Variants in RPS21 observed in about 807,000 individuals in gnomAD.
RPS21 encodes the protein ribosomal protein S21.
RPS21 carries 6 observed loss-of-function variants against 14.5 expected under a neutral mutation model. That is an observed-to-expected ratio of 0.41 (90% CI 0.23 to 0.82). The LOEUF (loss-of-function observed/expected upper bound fraction) is 0.82. Ranked by LOEUF, RPS21 falls within the 40% of genes least tolerant of loss-of-function variation. The probability of loss-of-function intolerance (pLI) is 0.31; values close to 1 mark genes in which losing one functional copy is unlikely to be tolerated. For missense variants in RPS21, 85 were observed against 115.0 expected (o/e 0.74, Z 1.19); for synonymous variants, 61 against 42.6 (o/e 1.43, Z -1.69).
intron 2 of RPS21, 97 bp from the exon 3 acceptor site, chr20:62,387,514 G>A (rs1381672631): frequency 6.3e-7 from 1 of 1,586,488 alleles, no homozygotes; most frequent in Admixed American, 1.7e-5. Context: ...TGCCCCCGAC[G>A]TTACTCTTTT....
intron 1 of RPS21, 85 bp from the exon 2 acceptor site, chr20:62,387,236 G>A: frequency 1.0e-6 from 1 of 991,432 alleles, no homozygotes; most frequent in Non-Finnish European, 1.5e-6. Context: ...GGTGCGGCTG[G>A]GGCCGTGACC....
rs576687825 is a variant in RPS21 at position 62,387,840 on chromosome 20, T to C, written c.115-3T>C. 3 of 1,614,152 alleles carry C rather than the reference T, an allele frequency of 1.9e-6. No individual in the cohort carries two copies. Among genetic ancestry groups the C allele is most frequent in the South Asian group, 2.2e-5 (2 of 91,090 alleles). ...TGGTTTGTGACCCTTCTTCTCTTTCTAGGTTGACAAGGTCACAGGCAGGTT... is the reference window on the plus strand; with the variant it reads ...TGGTTTGTGACCCTTCTTCTCTTTCCAGGTTGACAAGGTCACAGGCAGGTT... On this transcript the variant is annotated splice_region_variant and splice_polypyrimidine_tract_variant and intron_variant, in intron 3 of 5. Transcript: ENST00000343986.
rs953345687 is a variant in RPS21, at chr20:62,388,448, T to C, written c.243-9T>C. ...TGGTCTTAACGTTGTCCTTTTCCCC[T>C]GGTTCTAGGAACTTTTGACTGGAGA... On this transcript the variant is annotated splice_polypyrimidine_tract_variant and intron_variant, in intron 5 of 5. Transcript: ENST00000343986. 1 of 1,613,978 alleles carries C rather than the reference T, an allele frequency of 6.2e-7. No individual in the cohort carries two copies. Among genetic ancestry groups the C allele is most frequent in the Non-Finnish European group, 8.5e-7 (1 of 1,179,866 alleles).
intron 1 of RPS21, 36 bp from the exon 2 acceptor site, chr20:62,387,285 C>T (rs1248914304): frequency 6.6e-6 from 10 of 1,522,770 alleles, no homozygotes; most frequent in Non-Finnish European, 3.6e-6. Flanking sequence ...GGCACGGTTC[C>T]GGCCGTACTC....
rs1471255407 is a variant in RPS21, at chr20:62,388,493, T to C, written c.*27T>C. On this transcript the variant is annotated 3_prime_UTR_variant, in exon 6 of 6. Coordinates refer to ENST00000343986, the MANE Select transcript of RPS21 (RefSeq NM_001024.4). ...TGGAGAGAATCACAGATGTGGAATA[T>C]TTGTCATAAATAAATAATGAAAACC... 1.2e-6 allele frequency: 2 copies of C among 1,611,290 alleles called. No homozygotes were observed. The highest frequency in any genetic ancestry group is 1.7e-5 in the Admixed American group (1 of 59,986).
chr20:62,387,546 C>T (rs1368808919), intron 2 of RPS21, 65 bp from the exon 3 acceptor site: 26 of 1,589,732 alleles, frequency 1.6e-5, no homozygotes, highest in South Asian at 1.1e-4. Context: ...CCCCCAACCT[C>T]CCTCGTCCCC....
intron 1 of RPS21, 83 bp downstream of exon 1, chr20:62,387,219 G>T: frequency 1.3e-6 from 1 of 785,574 alleles, no homozygotes; most frequent in Non-Finnish European, 2.0e-6. Flanking sequence ...CGGGGTGCGG[G>T]GTGCTGGGTG....
chr20:62,388,398 G>A, intron 5 of RPS21, 34 bp downstream of exon 5: 5 of 1,610,344 alleles, frequency 3.1e-6, no homozygotes, highest in Non-Finnish European at 4.2e-6. Flanking sequence ...GGCAGAGTGA[G>A]TGGACTAGGA....
chr20:62,387,320 G>C lies in RPS21; in HGVS notation c.-18-1G>C, dbSNP rs1307939260. The C allele has an allele frequency of 1.9e-6, 3 of 1,588,876 alleles. No homozygotes were observed. The East Asian group carries it at 6.9e-5, about 37-fold the overall frequency. ...CACGGCGCCGCGCGGTGACTCCCCAGGCGCAGCCCAGCCTCGAAATGCAGA... is the reference window on the plus strand; with the variant it reads ...CACGGCGCCGCGCGGTGACTCCCCACGCGCAGCCCAGCCTCGAAATGCAGA... On this transcript the variant is annotated splice_acceptor_variant, in intron 1 of 5. Coordinates refer to ENST00000343986, the MANE Select transcript of RPS21 (RefSeq NM_001024.4). LOFTEE classifies it low-confidence loss of function (5UTR_SPLICE).
chr20:62,387,554 C>T (rs1987779666), intron 2 of RPS21, 57 bp from the exon 3 acceptor site: 5 of 1,592,464 alleles, frequency 3.1e-6, no homozygotes, highest in Admixed American at 1.7e-5. Flanking sequence ...CTCCCTCGTC[C>T]CCTCTTTCAT....
chr20:62,388,392 G>A, intron 5 of RPS21, 28 bp downstream of exon 5: 1 of 1,610,262 alleles, frequency 6.2e-7, no homozygotes, highest in Non-Finnish European at 8.5e-7. Context: ...CATTTGGGCA[G>A]AGTGAGTGGA....
chr20:62,387,581 C>T (rs569860083), intron 2 of RPS21, 30 bp from the exon 3 acceptor site: 16 of 1,602,628 alleles, frequency 1.0e-5, no homozygotes, highest in Non-Finnish European at 6.0e-6. Context: ...CGCCCAAGTC[C>T]CCTCTGCTCA....
rs994380601 is a variant in RPS21, at chr20:62,387,826, C to T, written c.115-17C>T. On this transcript the variant is annotated splice_polypyrimidine_tract_variant and intron_variant, in intron 3 of 5. Transcript: ENST00000343986. ...CAAACCTGGGGGAGTGGTTTGTGAC[C>T]CTTCTTCTCTTTCTAGGTTGACAAG... 4.3e-6 allele frequency: 7 copies of T among 1,613,820 alleles called. No individual in the cohort carries two copies. The highest frequency in any genetic ancestry group is 2.7e-5 in the African/African-American group (2 of 74,898).
At chr20:62,388,007 C>CT in intron 4 of RPS21, 93 bp downstream of exon 4, 1 of 1,611,018 alleles carries the variant, frequency 6.2e-7, no homozygotes, top group Non-Finnish European at 8.5e-7. Context: ...AGTAGATCTG[C>CT]TGGCAGAGTA....
rs1435645290 is a variant in RPS21, at chr20:62,387,302, C to T, written c.-18-19C>T. On this transcript the variant is annotated intron_variant, in intron 1 of 5. Transcript: ENST00000343986. ...CACGGTTCCGGCCGTACTCACGGCG[C>T]CGCGCGGTGACTCCCCAGGCGCAGC... 6.4e-7 allele frequency: 1 copy of T among 1,568,268 alleles called. No homozygotes were observed. Among genetic ancestry groups the T allele is most frequent in the South Asian group, 1.2e-5 (1 of 85,810 alleles).
rs1336793121 is a variant in RPS21, at chr20:62,387,129, G to A, written c.-26G>A. 1.2e-5 allele frequency: 6 copies of A among 482,892 alleles called. No individual in the cohort carries two copies. Among genetic ancestry groups the A allele is most frequent in the Non-Finnish European group, 1.1e-5 (3 of 275,846 alleles). The allele number at this position is 482,892 out of a possible 1,614,324, so 29.9% of individuals were successfully genotyped here. A position where few individuals can be genotyped will look rare whatever the true frequency, so the allele number is the denominator to read the frequency against. The stretch of plus-strand genomic sequence containing the variant: ...CTTTCTCTCTCGCGCGCGGTGTGGT[G>A]GCAGCAGGTGTGGCGCGCGGCGCGG... On this transcript the variant is annotated 5_prime_UTR_variant, in exon 1 of 6. Transcript: ENST00000343986.
Position 62,387,351 on chromosome 20 carries a change from G to A in RPS21, c.13G>A (p.Ala5Thr). Reference sequence around the variant, plus strand: ...GCCCAGCCTCGAAATGCAGAACGACGCCGGCGAGTTCGTGGACCTGTACGT... The same window carrying A: ...GCCCAGCCTCGAAATGCAGAACGACACCGGCGAGTTCGTGGACCTGTACGT... MQNDAGEFVDLYVPR... is the reference protein window; with the variant it reads MQNDTGEFVDLYVPR... The change falls in exon 2 of 6, where the codon GCC becomes ACC. Residue 5 changes from alanine (A) to threonine (T), a missense_variant. By Grantham distance (58) the Ala-to-Thr change is moderately conservative (BLOSUM62 0). Coordinates refer to ENST00000343986, the MANE Select transcript of RPS21 (RefSeq NM_001024.4). The A allele has an allele frequency of 6.2e-7, 1 of 1,605,202 alleles. No individual in the cohort carries two copies. The highest frequency in any genetic ancestry group is 8.5e-7 in the Non-Finnish European group (1 of 1,176,374).
intron 2 of RPS21, 74 bp downstream of exon 2, chr20:62,387,462 A>G: frequency 6.3e-7 from 1 of 1,588,736 alleles, no homozygotes; most frequent in Non-Finnish European, 8.6e-7. Context: ...TTGTTCCCCC[A>G]CACCCCTCCC....
chr20:62,387,750 C>T lies in RPS21; in HGVS notation c.114+76C>T, dbSNP rs1208432548. 4 of 1,613,792 alleles carry T rather than the reference C, an allele frequency of 2.5e-6. No individual in the cohort carries two copies. The Admixed American group carries it at 6.7e-5, about 27-fold the overall frequency. On this transcript the variant is annotated intron_variant, in intron 3 of 5. Coordinates refer to ENST00000343986, the MANE Select transcript of RPS21 (RefSeq NM_001024.4). The stretch of plus-strand genomic sequence containing the variant: ...GGCAGGCTGTCCCATTGTGGAGGAG[C>T]CCCTGGGGTGAAGGTACAGGCAGAG...
Sources: gnomAD v4.1 joint callset for allele counts on GRCh38, gnomAD v4.1.1 for gene constraint, MANE v1.5 for transcripts, NCBI Gene and HGNC (gene_info 2026-07-23, HGNC 2026-07-21) for gene names.